ETS1: variants seen among roughly 807,000 people sequenced by gnomAD.
ETS1 encodes ETS proto-oncogene 1, transcription factor.
A neutral mutation model predicts 58.6 loss-of-function variants in ETS1; 15 were observed. The observed-to-expected ratio is 0.26, with a 90% CI of 0.17 to 0.39. The LOEUF (loss-of-function observed/expected upper bound fraction) is 0.39. Ranked by LOEUF, ETS1 falls within the 10% of genes least tolerant of loss-of-function variation. The pLI, the probability that ETS1 is intolerant of heterozygous loss-of-function variation, is 1.00. For missense variants in ETS1, 417 were observed against 610.5 expected (o/e 0.68, Z 3.34); for synonymous variants, 214 against 218.2 (o/e 0.98, Z 0.17).
intron 3 of ETS1, among the ~76,000 whole-genome samples, chr11:128,499,941 G>A: frequency 6.6e-6 from 1 of 152,240 alleles, no homozygotes; most frequent in East Asian, 1.9e-4. Context: ...TAGGCTGGAA[G>A]AGGTAAAGTT....
rs1861843904 is a variant in ETS1 at position 128,459,222 on chromosome 11, A to C, written c.*3139T>G. 6.6e-6 allele frequency: 1 copy of C among 151,438 alleles called. No homozygotes were observed. Among genetic ancestry groups the C allele is most frequent in the African/African-American group, 2.4e-5 (1 of 41,262 alleles). 9.4% of individuals were successfully genotyped at this position (151,438 alleles called of 1,614,324 possible). A position where few individuals can be genotyped will look rare whatever the true frequency, so the allele number is the denominator to read the frequency against. ...ATATTTTATATATGTATATGTATAC[A>C]TATATTTATGGTTCCTTGAAACTTC... On this transcript the variant is annotated 3_prime_UTR_variant, in exon 10 of 10. Coordinates refer to ENST00000392668, the MANE Select transcript of ETS1 (RefSeq NM_001143820.2).
At chr11:128,500,228 A>C (rs539799791) in intron 3 of ETS1, among the ~76,000 whole-genome samples, 1 of 152,288 alleles carries the variant, frequency 6.6e-6, no homozygotes, top group African/African-American at 2.4e-5. Flanking sequence ...GAAAGCAGGA[A>C]GCAGAGAAAG....
chr11:128,485,187 A>T, intron 6 of ETS1, 116 bp from the exon 7 acceptor site: 1 of 874,256 alleles, frequency 1.1e-6, no homozygotes. Flanking sequence ...ATAAGGGAAA[A>T]TACTTTAAAT....
intron 3 of ETS1, chr11:128,526,692 C>T (rs1232729381): frequency 3.4e-5 from 11 of 321,114 alleles, no homozygotes; most frequent in Non-Finnish European, 5.5e-5. Flanking sequence ...TTGAGAAATT[C>T]GAGAACTACC....
intron 2 of ETS1, among the ~76,000 whole-genome samples, chr11:128,567,299 C>G (rs748830704): frequency 2.0e-5 from 3 of 152,190 alleles, no homozygotes; most frequent in Non-Finnish European, 4.4e-5. Context: ...GGGGTCCCTC[C>G]CAAGGTGACA....
intron 3 of ETS1, among the ~76,000 whole-genome samples, chr11:128,534,742 C>T (rs757105257): frequency 1.3e-5 from 2 of 152,186 alleles, no homozygotes; most frequent in Non-Finnish European, 2.9e-5. Flanking sequence ...CATGTCCCTA[C>T]AAAGGACATG....
chr11:128,529,109 C>T (rs559286009), intron 3 of ETS1: 3 of 152,258 alleles, frequency 2.0e-5, no homozygotes, highest in African/African-American at 4.8e-5. Flanking sequence ...CTGCTATATA[C>T]ATTATTTGTA....
rs1181570275 is a variant in ETS1, at chr11:128,522,138, C to T, written c.215-31562G>A. On this transcript the variant is annotated intron_variant, in intron 3 of 9. Transcript: ENST00000392668. ...AAAATCTCAAATTCCCGCTGCCTTT[C>T]TTTCCCCCGCGCCCGGACGGTGCGC... The T allele has an allele frequency of 6.1e-6, 8 of 1,319,886 alleles. No homozygotes were observed. In the East Asian group the frequency reaches 2.5e-4, roughly 41 times the overall value. The allele number at this position is 1,319,886 out of a possible 1,614,324, so 81.8% of individuals were successfully genotyped here.
intron 3 of ETS1, among the ~76,000 whole-genome samples, chr11:128,552,074 G>A (rs1864239078): frequency 6.6e-6 from 1 of 152,022 alleles, no homozygotes; most frequent in Non-Finnish European, 1.5e-5. Context: ...TCGAGATTTT[G>A]CATTTCTAAC....
chr11:128,529,398 A>T (rs1863859407), intron 3 of ETS1, among the ~76,000 whole-genome samples: 1 of 152,242 alleles, frequency 6.6e-6, no homozygotes, highest in African/African-American at 2.4e-5. Flanking sequence ...AGGGAGGATC[A>T]AATGGAGCTG....
rs564912415 is a variant in ETS1 at position 128,574,508 on chromosome 11, C to CA, written c.-14-1365dup. 1.1e-3 allele frequency among the ~76,000 whole-genome samples: 163 copies of CA among 152,258 alleles called. 2 individuals carry two copies. The East Asian group carries it at 0.013, about 12-fold the overall frequency. On this transcript the variant is annotated intron_variant, in intron 1 of 9. Transcript: ENST00000392668. The stretch of plus-strand genomic sequence containing the variant: ...GTGAAGATGAATGGTAGGAAAAGCT[C>CA]AAAGTACCCTAGGCCAGGGACATTG...
chr11:128,481,011 A>G (rs938230733), intron 7 of ETS1, among the ~76,000 whole-genome samples: 2 of 152,196 alleles, frequency 1.3e-5, no homozygotes, highest in African/African-American at 4.8e-5. Context: ...ATTTTTTAGC[A>G]TTTTTCCCAA....
chr11:128,521,377 G>C (rs1484760483), intron 3 of ETS1, among the ~76,000 whole-genome samples: 1 of 152,104 alleles, frequency 6.6e-6, no homozygotes, highest in African/African-American at 2.4e-5. Context: ...ATTCTCCTCC[G>C]ATCTCCTTAC....
rs574633222 is a variant in ETS1 at position 128,469,055 on chromosome 11, T to G, written c.1124-5428A>C. Among the ~76,000 whole-genome samples, 9 of 152,330 alleles carry G rather than the reference T, an allele frequency of 5.9e-5. No individual in the cohort carries two copies. The South Asian group carries it at 1.7e-3, about 28-fold the overall frequency. ...GGATTAGAAAGTCCGCTCAAATGGC[T>G]TCTCTCTATTAAACAATATTTGGGG... On this transcript the variant is annotated intron_variant, in intron 8 of 9. Coordinates refer to ENST00000392668, the MANE Select transcript of ETS1 (RefSeq NM_001143820.2).
At chr11:128,481,131 C>T (rs115014246) in intron 7 of ETS1, among the ~76,000 whole-genome samples, 1,597 of 142,698 alleles carry the variant, frequency 0.011, 32 homozygotes, top group African/African-American at 0.041. Flanking sequence ...CACACTATCA[C>T]TCTTCTAAAC....
intron 2 of ETS1, among the ~76,000 whole-genome samples, chr11:128,566,732 G>T (rs1025295219): frequency 6.6e-6 from 1 of 151,026 alleles, no homozygotes; most frequent in Non-Finnish European, 1.5e-5. Context: ...GCTGTGAGCC[G>T]AGAGGGCGCC....
At chr11:128,472,725 T>A (rs1040734917) in intron 8 of ETS1, among the ~76,000 whole-genome samples, 4 of 152,058 alleles carry the variant, frequency 2.6e-5, no homozygotes, top group Admixed American at 2.6e-4. Flanking sequence ...GACCCAAAGA[T>A]CCCCTGGGCC....
At chr11:128,478,908 G>C (rs991593945) in intron 8 of ETS1, among the ~76,000 whole-genome samples, 1 of 152,174 alleles carries the variant, frequency 6.6e-6, no homozygotes, top group African/African-American at 2.4e-5. Flanking sequence ...TTCAAGCAAA[G>C]ACCACCAGGG....
At chr11:128,467,474 C>T (rs2135416372) in intron 8 of ETS1, among the ~76,000 whole-genome samples, 1 of 152,286 alleles carries the variant, frequency 6.6e-6, no homozygotes, top group African/African-American at 2.4e-5. Flanking sequence ...CCACAGGGCT[C>T]CAGGACCCCA....
Sources: gnomAD v4.1 joint callset for allele counts (sites outside exome capture counted in the v4.1 genomes callset) on GRCh38, gnomAD v4.1.1 for gene constraint, MANE v1.5 for transcripts, NCBI Gene and HGNC (gene_info 2026-07-23, HGNC 2026-07-21) for gene names.